The following CSNK1E variants were observed in gnomAD, a reference collection of about 807,000 sequenced individuals.
CSNK1E encodes the protein casein kinase 1 epsilon.
A neutral mutation model predicts 46.1 loss-of-function variants in CSNK1E; 17 were observed. The observed-to-expected ratio is 0.37, with a 90% CI of 0.25 to 0.55. The LOEUF (loss-of-function observed/expected upper bound fraction) is 0.55. Ranked by LOEUF, CSNK1E falls within the 20% of genes least tolerant of loss-of-function variation. The pLI, the probability that CSNK1E is intolerant of heterozygous loss-of-function variation, is 0.82. For synonymous variants in CSNK1E, 241 were observed against 242.6 expected (o/e 0.99, Z 0.06); for missense variants, 386 against 595.4 (o/e 0.65, Z 3.66).
At chr22:38,301,143 G>T (rs1448551502) in intron 4 of CSNK1E, among the ~76,000 whole-genome samples, 191 bp from the exon 5 acceptor site, 1 of 152,226 alleles carries the variant, frequency 6.6e-6, no homozygotes, top group Non-Finnish European at 1.5e-5. Context: ...TCTAAAGGGG[G>T]AGTTCACCAA....
Position 38,303,251 on chromosome 22 carries a change from G to T in CSNK1E, c.77-3C>A. The T allele has an allele frequency of 6.3e-7, 1 of 1,596,736 alleles. No individual in the cohort carries two copies. Among genetic ancestry groups the T allele is most frequent in the Non-Finnish European group, 8.5e-7 (1 of 1,172,502 alleles). ...CTCACCAGAGGCGATGTTGGCACCTGCCCGGGGCAGGGAGGCAAGGGACCA... is the reference window on the plus strand; with the variant it reads ...CTCACCAGAGGCGATGTTGGCACCTTCCCGGGGCAGGGAGGCAAGGGACCA... On this transcript the variant is annotated splice_polypyrimidine_tract_variant and splice_region_variant and intron_variant, in intron 2 of 10. Transcript: ENST00000396832. The surrounding 1 kb of genome is among the most constrained non-coding windows in gnomAD (Gnocchi z 4.7).
At chr22:38,296,690 G>T (rs748169379) in intron 7 of CSNK1E, 1 of 1,611,340 alleles carries the variant, frequency 6.2e-7, no homozygotes, top group Non-Finnish European at 8.5e-7. Context: ...TCCTGGCCTG[G>T]TTGGAAAAGA....
rs1359259578 is a variant in CSNK1E at position 38,294,826 on chromosome 22, G to C, written c.886-292C>G. 6.6e-6 allele frequency among the ~76,000 whole-genome samples: 1 copy of C among 152,178 alleles called. No individual in the cohort carries two copies. Among genetic ancestry groups the C allele is most frequent in the Non-Finnish European group, 1.5e-5 (1 of 68,018 alleles). On this transcript the variant is annotated intron_variant, in intron 7 of 10. Transcript: ENST00000396832. The surrounding 1 kb of genome is among the most constrained non-coding windows in gnomAD (Gnocchi z 5.5). ...GAGAAAGGACAACTAATGCGCCCAG[G>C]ATGATCAAGAGCACCTCTTGGCCCT...
At chr22:38,296,537 C>A in intron 7 of CSNK1E, 1 of 1,609,374 alleles carries the variant, frequency 6.2e-7, no homozygotes, top group Non-Finnish European at 8.5e-7. Flanking sequence ...TGGTTCAGCT[C>A]ACTACAGTGG....
chr22:38,294,382 C>A lies in CSNK1E; in HGVS notation c.1038G>T (p.Glu346Asp). The A allele has an allele frequency of 6.4e-7, 1 of 1,557,102 alleles. No individual in the cohort carries two copies. The highest frequency in any genetic ancestry group is 8.7e-7 in the Non-Finnish European group (1 of 1,154,298). The change falls in exon 8 of 11, where the codon GAG becomes GAT. Residue 346 changes from glutamate to aspartate, a missense_variant. By Grantham distance (45) the Glu-to-Asp change is conservative. Transcript: ENST00000396832. This position sits in a 1 kb window ranked among gnomAD's most constrained non-coding sequence, Gnocchi z 5.5. ...ATANRLRSAA[E>D]PVASTPASRI... ...GGGAGGCTGGCGTGGAAGCCACGGG[C>A]TCGGCGGCACTGCGGAGCCGGTTGG...
At position 38,298,967 on chromosome 22, in the gene CSNK1E, C is replaced by T. The variant is rs150311264; in HGVS notation, c.737-33G>A. Reference sequence around the variant, plus strand: ...GTGTTGCAGAGGATAGAGAAGGCCACTGTGAGGCCCACGCTCCCAGACCCC... The same window carrying T: ...GTGTTGCAGAGGATAGAGAAGGCCATTGTGAGGCCCACGCTCCCAGACCCC... On this transcript the variant is annotated intron_variant, in intron 6 of 10. Coordinates refer to ENST00000396832, the MANE Select transcript of CSNK1E (RefSeq NM_152221.3). This position sits in a 1 kb window ranked among gnomAD's most constrained non-coding sequence, Gnocchi z 4.2. The T allele has an allele frequency of 3.7e-4, 589 of 1,612,982 alleles. 7 individuals carry two copies. In the East Asian group the frequency reaches 0.011, roughly 30 times the overall value.
rs182518649 is a variant in CSNK1E, at chr22:38,295,907, C to T, written c.886-1373G>A. On this transcript the variant is annotated intron_variant, in intron 7 of 10. Transcript: ENST00000396832. ...GCAGGCTGGCCAACAGTGACTCAGCCAGAGCCACAGCAAAGCCTGGGGAGG... is the reference window on the plus strand; with the variant it reads ...GCAGGCTGGCCAACAGTGACTCAGCTAGAGCCACAGCAAAGCCTGGGGAGG... 3.4e-3 allele frequency among the ~76,000 whole-genome samples: 521 copies of T among 152,372 alleles called. 5 individuals carry two copies. Among genetic ancestry groups the T allele is most frequent in the African/African-American group, 0.012 (487 of 41,594 alleles).
rs145901241 is a variant in CSNK1E at position 38,296,195 on chromosome 22, C to T, written c.886-1661G>A. On this transcript the variant is annotated intron_variant, in intron 7 of 10. Coordinates refer to ENST00000396832, the MANE Select transcript of CSNK1E (RefSeq NM_152221.3). ...CATCCAACCCATAGGACGCAAGAAA[C>T]ACACAGCAGGGAGCTCTCTTGGCCT... 3.1e-5 allele frequency: 32 copies of T among 1,021,894 alleles called. No homozygotes were observed. The African/African-American group carries it at 4.8e-4, about 15-fold the overall frequency. 63.3% of individuals were successfully genotyped at this position (1,021,894 alleles called of 1,614,324 possible). A position where few individuals can be genotyped will look rare whatever the true frequency, so the allele number is the denominator to read the frequency against.
chr22:38,293,118 T>G (rs1182190252), intron 10 of CSNK1E, 137 bp downstream of exon 10: 2 of 745,632 alleles, frequency 2.7e-6, no homozygotes, highest in Middle Eastern at 2.7e-4. Flanking sequence ...TGAGGCCCCT[T>G]AGAGTTCTGG....
chr22:38,293,562 G>A (rs1350547226), intron 9 of CSNK1E, among the ~76,000 whole-genome samples: 2 of 151,824 alleles, frequency 1.3e-5, no homozygotes, highest in Non-Finnish European at 2.9e-5. Context: ...TGCTACCTAA[G>A]TAGATGGCCA....
chr22:38,293,231 C>A, intron 10 of CSNK1E, 24 bp downstream of exon 10: 1 of 1,602,206 alleles, frequency 6.2e-7, no homozygotes. Flanking sequence ...GGGCTGGCTG[C>A]ATCTGCAGCA....
At chr22:38,310,973 C>A (rs1393883944) in intron 2 of CSNK1E, among the ~76,000 whole-genome samples, 1 of 152,190 alleles carries the variant, frequency 6.6e-6, no homozygotes, top group Non-Finnish European at 1.5e-5. Flanking sequence ...GACAGGGGCC[C>A]AGGAGGGTGC....
At chr22:38,304,402 A>G (rs1322496341) in intron 2 of CSNK1E, among the ~76,000 whole-genome samples, 1 of 152,154 alleles carries the variant, frequency 6.6e-6, no homozygotes, top group Non-Finnish European at 1.5e-5. Flanking sequence ...TATAAGAAAT[A>G]AAGGTGTGGG....
At chr22:38,296,616 G>C in intron 7 of CSNK1E, 3 of 1,612,852 alleles carry the variant, frequency 1.9e-6, no homozygotes, top group Non-Finnish European at 2.5e-6. Flanking sequence ...TCTAACTCCA[G>C]GGCCTGCCTC....
chr22:38,301,557 C>T (rs912097806), intron 4 of CSNK1E, among the ~76,000 whole-genome samples: 2 of 152,022 alleles, frequency 1.3e-5, no homozygotes, highest in Admixed American at 6.6e-5. Flanking sequence ...CTCAGCCTCC[C>T]GAATAGCTGG....
chr22:38,296,327 G>T, intron 7 of CSNK1E: 1 of 1,336,456 alleles, frequency 7.5e-7, no homozygotes, highest in African/African-American at 1.5e-5. Context: ...CCGGCCAGCT[G>T]ACTGGACCTC....
intron 7 of CSNK1E, chr22:38,296,586 G>A: frequency 6.2e-7 from 1 of 1,612,872 alleles, no homozygotes; most frequent in Non-Finnish European, 8.5e-7. Flanking sequence ...GGATAAGGCT[G>A]TGGGTGCCTC....
chr22:38,317,730 A>T (rs903758260), upstream of CSNK1E, among the ~76,000 whole-genome samples: 3 of 151,124 alleles, frequency 2.0e-5, no homozygotes, highest in African/African-American at 7.3e-5. Flanking sequence ...AGGGGATGGG[A>T]GGGGAGGGTC....
At chr22:38,313,828 C>A (rs1602564447) in intron 2 of CSNK1E, among the ~76,000 whole-genome samples, 1 of 152,354 alleles carries the variant, frequency 6.6e-6, no homozygotes, top group East Asian at 1.9e-4. Flanking sequence ...GACACTGAGG[C>A]ACAAAAGAAC....
Sources: gnomAD v4.1 joint callset for allele counts (sites outside exome capture counted in the v4.1 genomes callset) on GRCh38, gnomAD v4.1.1 for gene constraint, Gnocchi (gnomAD v3.1) non-coding constraint, MANE v1.5 for transcripts, NCBI Gene and HGNC (gene_info 2026-07-23, HGNC 2026-07-21) for gene names.